LRP1B: variants seen among roughly 807,000 people sequenced by gnomAD.
LRP1B encodes LDL receptor related protein 1B.
LRP1B carries 217 observed loss-of-function variants against 556.6 expected under a neutral mutation model. The observed-to-expected ratio is 0.39, with a 90% CI of 0.35 to 0.44. LRP1B has a LOEUF of 0.44. LRP1B is among the 20% of genes least tolerant of loss of function. The pLI is 1.00. For missense variants in LRP1B, 5,053 were observed against 5,620.8 expected (o/e 0.90, Z 3.23); for synonymous variants, 2,047 against 1,865.8 (o/e 1.10, Z -2.50).
At chr2:140,538,495 A>G (rs1410939184) in intron 45 of LRP1B, among the ~76,000 whole-genome samples, 1 of 152,054 alleles carries the variant, frequency 6.6e-6, no homozygotes, top group African/African-American at 2.4e-5. Context: ...TCTGTTCCCG[A>G]GTCAATTCAC....
intron 2 of LRP1B, among the ~76,000 whole-genome samples, chr2:141,803,000 T>A (rs1451514756): frequency 6.6e-6 from 1 of 152,076 alleles, no homozygotes; most frequent in Non-Finnish European, 1.5e-5. Flanking sequence ...GTATTTCATT[T>A]CACCCCTGCT....
At chr2:140,776,572 T>TA (rs1689507873) in intron 32 of LRP1B, among the ~76,000 whole-genome samples, 1 of 151,750 alleles carries the variant, frequency 6.6e-6, no homozygotes, top group Admixed American at 6.6e-5. Flanking sequence ...TCAGCTTTTA[T>TA]TATTTACATA....
At chr2:140,307,815 G>C (rs891794325) in intron 83 of LRP1B, among the ~76,000 whole-genome samples, 2 of 151,718 alleles carry the variant, frequency 1.3e-5, no homozygotes. Flanking sequence ...AATAATCAAA[G>C]TTCTCAGATT....
At position 141,638,896 on chromosome 2, in the gene LRP1B, C is replaced by CAT. The variant is rs1553439862; in HGVS notation, c.206-158364_206-158363insAT. On this transcript the variant is annotated intron_variant, in intron 2 of 90. Coordinates refer to ENST00000389484, the MANE Select transcript of LRP1B (RefSeq NM_018557.3). ...ATATATATATATGTGTGTGTATGTG[C>CAT]GTGTGTGTGTGTGTGTGTATACATA... Among the ~76,000 whole-genome samples the CAT allele has an allele frequency of 1.7e-4, 10 of 57,626 alleles. 1 individual carries two copies. Among genetic ancestry groups the CAT allele is most frequent in the Admixed American group, 1.4e-3 (8 of 5,642 alleles). The allele number at this position is 57,626 out of a possible 152,430, so 37.8% of individuals were successfully genotyped here.
intron 2 of LRP1B, among the ~76,000 whole-genome samples, chr2:141,502,689 T>A (rs1683765176): frequency 6.6e-6 from 1 of 151,768 alleles, no homozygotes; most frequent in African/African-American, 2.4e-5. Flanking sequence ...TGAAACCCCG[T>A]CTCTACTAAA....
chr2:141,185,508 G>A (rs547685940), intron 7 of LRP1B, among the ~76,000 whole-genome samples: 1 of 151,846 alleles, frequency 6.6e-6, no homozygotes, highest in South Asian at 2.1e-4. Flanking sequence ...AGCATCTCTG[G>A]GAAATAGTCT....
At chr2:141,991,514 C>T (rs979603751) in intron 1 of LRP1B, among the ~76,000 whole-genome samples, 9 of 151,934 alleles carry the variant, frequency 5.9e-5, no homozygotes, top group African/African-American at 1.9e-4. Context: ...CAACCTCATA[C>T]GCACACACAC....
chr2:141,862,089 A>G (rs923412354), intron 1 of LRP1B, among the ~76,000 whole-genome samples: 1 of 152,184 alleles, frequency 6.6e-6, no homozygotes, highest in African/African-American at 2.4e-5. Context: ...ATGAAATACA[A>G]ACTACAAAAT....
intron 2 of LRP1B, among the ~76,000 whole-genome samples, chr2:141,658,357 A>G: frequency 6.6e-6 from 1 of 152,302 alleles, no homozygotes; most frequent in East Asian, 1.9e-4. Flanking sequence ...CCACAAATGA[A>G]ATTTACACAT....
intron 43 of LRP1B, among the ~76,000 whole-genome samples, chr2:140,548,923 T>C (rs1449383059): frequency 1.3e-5 from 2 of 152,000 alleles, no homozygotes; most frequent in Non-Finnish European, 2.9e-5. Context: ...AGACTCTGTC[T>C]CAAAAAAACC....
chr2:141,476,168 G>A (rs191435862), intron 3 of LRP1B, among the ~76,000 whole-genome samples: 6 of 152,278 alleles, frequency 3.9e-5, no homozygotes, highest in Middle Eastern at 3.4e-3. Context: ...AGCCCATGGC[G>A]GCCCAACAGA....
rs959286285 is a variant in LRP1B at position 141,529,715 on chromosome 2, A to G, written c.206-49182T>C. The stretch of plus-strand genomic sequence containing the variant: ...ACCACTATTAATCATACCAACCTTT[A>G]TCATTATTCAGCAACACATACTGTT... On this transcript the variant is annotated intron_variant, in intron 2 of 90. Transcript: ENST00000389484. Among the ~76,000 whole-genome samples, 15 of 152,114 alleles carry G rather than the reference A, an allele frequency of 9.9e-5. 1 individual carries two copies. The highest frequency in any genetic ancestry group is 5.2e-4 in the Admixed American group (8 of 15,250).
chr2:140,993,458 A>G (rs963326229), intron 16 of LRP1B, among the ~76,000 whole-genome samples: 1 of 152,074 alleles, frequency 6.6e-6, no homozygotes, highest in African/African-American at 2.4e-5. Flanking sequence ...TAGAAGCCAA[A>G]GAGGGGAAAG....
At chr2:142,122,177 T>G (rs912310759) in intron 1 of LRP1B, among the ~76,000 whole-genome samples, 1 of 152,032 alleles carries the variant, frequency 6.6e-6, no homozygotes, top group Non-Finnish European at 1.5e-5. Flanking sequence ...ACACACAAGG[T>G]AAAACCCTCA....
At chr2:140,406,319 T>C (rs533350104) in intron 66 of LRP1B, among the ~76,000 whole-genome samples, 1 of 152,082 alleles carries the variant, frequency 6.6e-6, no homozygotes, top group Admixed American at 6.5e-5. Context: ...TTCTATTTGA[T>C]ATACTACTGA....
At chr2:141,360,783 G>T (rs1041036517) in intron 3 of LRP1B, among the ~76,000 whole-genome samples, 1 of 152,094 alleles carries the variant, frequency 6.6e-6, no homozygotes, top group Non-Finnish European at 1.5e-5. Flanking sequence ...ACTTTCATTC[G>T]CTATATAGGA....
At chr2:141,696,643 A>G (rs6706028) in intron 2 of LRP1B, among the ~76,000 whole-genome samples, 20,144 of 151,966 alleles carry the variant, frequency 0.13, 1,516 homozygotes, top group South Asian at 0.17. Context: ...TTTTAGGAGT[A>G]AGAAAATTAA....
At chr2:140,366,281 G>T (rs921334127) in intron 71 of LRP1B, among the ~76,000 whole-genome samples, 16 of 151,710 alleles carry the variant, frequency 1.1e-4, no homozygotes, top group Admixed American at 4.6e-4. Flanking sequence ...AGATGAGAGT[G>T]GCAAAGGAGA....
chr2:142,097,712 C>A (rs780404400), intron 1 of LRP1B, among the ~76,000 whole-genome samples: 5 of 151,488 alleles, frequency 3.3e-5, no homozygotes, highest in Non-Finnish European at 7.4e-5. Context: ...CATTTTAAAA[C>A]CATGTAATTG....
Sources: allele counts gnomAD v4.1 joint callset (sites outside exome capture counted in the v4.1 genomes callset), GRCh38; gene constraint gnomAD v4.1.1; transcripts MANE v1.5; gene names NCBI Gene and HGNC (gene_info 2026-07-23, HGNC 2026-07-21).